Variants in ARHGAP22 observed in about 807,000 individuals in gnomAD.
The protein encoded by ARHGAP22 is Rho GTPase activating protein 22, also known as rho GTPase-activating protein 22.
In ARHGAP22, 48 loss-of-function variants were observed where a neutral mutation model predicts 59.1. That is an observed-to-expected ratio of 0.81 (90% CI 0.64 to 1.03). The LOEUF (loss-of-function observed/expected upper bound fraction) is 1.03, where lower values mean the gene tolerates loss of function less well. Among genes scored for constraint, ARHGAP22 ranks in the 50% least tolerant of loss-of-function variants. The pLI, the probability that ARHGAP22 is intolerant of heterozygous loss-of-function variation, is 0.00. For synonymous variants in ARHGAP22, 445 were observed against 416.4 expected, an observed-to-expected ratio of 1.07 and a Z score of -0.84; for missense variants, 1,015 against 958.7, an observed-to-expected ratio of 1.06 and a Z score of -0.78.
intron 4 of ARHGAP22, among the ~76,000 whole-genome samples, chr10:48,462,790 A>AAGC (rs2047276759): frequency 6.6e-6 from 1 of 152,234 alleles, no homozygotes; most frequent in African/African-American, 2.4e-5. Flanking sequence ...ACAGGAGGTG[A>AAGC]TCCTGCTGCA....
At chr10:48,517,676 T>C (rs2053422201) in intron 3 of ARHGAP22, among the ~76,000 whole-genome samples, 1 of 152,090 alleles carries the variant, frequency 6.6e-6, no homozygotes, top group Admixed American at 6.6e-5. Flanking sequence ...ACCCCGGCTA[T>C]GTGCTGTCGA....
At chr10:48,635,044 C>T (rs918791130) in intron 1 of ARHGAP22, among the ~76,000 whole-genome samples, 7 of 152,078 alleles carry the variant, frequency 4.6e-5, no homozygotes, top group Non-Finnish European at 1.0e-4. Context: ...AGCCCTGGGG[C>T]CCGAGGTGCT....
intron 1 of ARHGAP22, among the ~76,000 whole-genome samples, chr10:48,587,002 C>A (rs1268610073): frequency 6.6e-6 from 1 of 152,226 alleles, no homozygotes; most frequent in Non-Finnish European, 1.5e-5. Context: ...CTGTAGCACC[C>A]TATCCCGCAT....
the ARHGAP22 span, among the ~76,000 whole-genome samples, chr10:48,433,266 A>G: frequency 5.6e-4 from 86 of 152,324 alleles, no homozygotes; most frequent in African/African-American, 1.9e-3. Context: ...GTCAATTTTT[A>G]TCAGATTAAG....
intron 3 of ARHGAP22, among the ~76,000 whole-genome samples, chr10:48,489,325 T>TA (rs1379229507): frequency 1.3e-5 from 2 of 152,196 alleles, no homozygotes; most frequent in African/African-American, 4.8e-5. Flanking sequence ...TCAGAGAAGT[T>TA]AAGAACTTTG....
At chr10:48,523,645 C>T (rs1429392822) in intron 3 of ARHGAP22, among the ~76,000 whole-genome samples, 1 of 152,050 alleles carries the variant, frequency 6.6e-6, no homozygotes, top group African/African-American at 2.4e-5. Flanking sequence ...GCGCAGGGCG[C>T]GCGCCGGGCT....
intron 2 of ARHGAP22, 139 bp from the exon 3 acceptor site, chr10:48,555,689 G>T: frequency 1.4e-6 from 1 of 720,122 alleles, no homozygotes. Flanking sequence ...TCAGAGAGGG[G>T]CACACACCTC....
rs1186766651 is a variant in ARHGAP22 at position 48,551,788 on chromosome 10, T to G, written c.322+3675A>C. Among the ~76,000 whole-genome samples the G allele has an allele frequency of 2.6e-5, 4 of 152,358 alleles. No homozygotes were observed. In the South Asian group the frequency reaches 8.3e-4, roughly 32 times the overall value. ...GGATGTGCAGGTTCTCAGGTGCTTT[T>G]GGAACCAGAGGTGTATGCTGTATCA... On this transcript the variant is annotated intron_variant, in intron 3 of 9. Coordinates refer to ENST00000249601, the MANE Select transcript of ARHGAP22 (RefSeq NM_021226.4).
chr10:48,458,519 C>T (rs1045800049), intron 5 of ARHGAP22, among the ~76,000 whole-genome samples: 14 of 152,142 alleles, frequency 9.2e-5, no homozygotes, highest in African/African-American at 2.4e-4. Context: ...CAGGGAGCCC[C>T]AGCAGAGTTT....
chr10:48,483,630 G>C (rs1291235898), intron 3 of ARHGAP22, among the ~76,000 whole-genome samples: 3 of 151,978 alleles, frequency 2.0e-5, no homozygotes, highest in Non-Finnish European at 2.9e-5. Context: ...TCTCATTGTG[G>C]TTTTGACTTG....
intron 5 of ARHGAP22, among the ~76,000 whole-genome samples, chr10:48,458,975 C>CT (rs1220673097): frequency 6.6e-6 from 1 of 152,180 alleles, no homozygotes; most frequent in Non-Finnish European, 1.5e-5. Context: ...CCTGCAGGTC[C>CT]TGGTGGGCCC....
At chr10:48,477,980 T>C (rs1213924573) in intron 4 of ARHGAP22, among the ~76,000 whole-genome samples, 1 of 152,222 alleles carries the variant, frequency 6.6e-6, no homozygotes, top group Non-Finnish European at 1.5e-5. Context: ...TAAAATATAA[T>C]TTATCAACAA....
At chr10:48,588,236 G>A (rs1448858836) in intron 1 of ARHGAP22, among the ~76,000 whole-genome samples, 1 of 152,186 alleles carries the variant, frequency 6.6e-6, no homozygotes, top group Non-Finnish European at 1.5e-5. Context: ...TTCAGTAGAT[G>A]TAGGCATCCC....
At chr10:48,431,619 T>A in the ARHGAP22 span, among the ~76,000 whole-genome samples, 1 of 152,214 alleles carries the variant, frequency 6.6e-6, no homozygotes, top group East Asian at 1.9e-4. Context: ...AAATAAAAGC[T>A]TCACTGCAAA....
chr10:48,595,424 C>T (rs73302227), intron 1 of ARHGAP22, among the ~76,000 whole-genome samples: 4,349 of 152,242 alleles, frequency 0.029, 227 homozygotes, highest in African/African-American at 0.099. Flanking sequence ...GGTCCCACAC[C>T]GTCCTGGGAA....
intron 3 of ARHGAP22, among the ~76,000 whole-genome samples, chr10:48,505,776 C>T (rs1023459264): frequency 6.6e-6 from 1 of 152,196 alleles, no homozygotes; most frequent in Non-Finnish European, 1.5e-5. Flanking sequence ...CTGGTGGAGG[C>T]ATGCTGGAGA....
At chr10:48,490,572 T>A (rs1487556166) in intron 3 of ARHGAP22, among the ~76,000 whole-genome samples, 1 of 152,230 alleles carries the variant, frequency 6.6e-6, no homozygotes, top group Non-Finnish European at 1.5e-5. Flanking sequence ...CAATGTGGCA[T>A]GTCCAAGAAT....
Position 48,493,770 on chromosome 10 carries a change from G to A in ARHGAP22, c.323-14006C>T, listed in dbSNP as rs1382395105. On this transcript the variant is annotated intron_variant, in intron 3 of 9. Transcript: ENST00000249601. ...AGGTCGGCGTGGTTGTTCTGCATCC[G>A]CATCTGTGCCTGCCACCCTGTGCAC... The A allele has an allele frequency of 3.3e-4, 255 of 776,424 alleles. 1 individual carries two copies. Among genetic ancestry groups the A allele is most frequent in the Non-Finnish European group, 5.4e-5 (29 of 536,194 alleles). The allele number at this position is 776,424 out of a possible 1,614,324, so 48.1% of individuals were successfully genotyped here. A position where few individuals can be genotyped will look rare whatever the true frequency, so the allele number is the denominator to read the frequency against.
At chr10:48,541,825 C>T (rs994577823) in intron 3 of ARHGAP22, among the ~76,000 whole-genome samples, 6 of 152,212 alleles carry the variant, frequency 3.9e-5, no homozygotes, top group Admixed American at 3.9e-4. Context: ...GGACCCTGGC[C>T]TCGATCTGCA....
Sources: gnomAD v4.1 joint callset for allele counts (sites outside exome capture counted in the v4.1 genomes callset) on GRCh38, gnomAD v4.1.1 for gene constraint, MANE v1.5 for transcripts, NCBI Gene and HGNC (gene_info 2026-07-23, HGNC 2026-07-21) for gene names.